Variants in IZUMO1 observed in about 807,000 individuals in gnomAD.
The protein encoded by IZUMO1 is izumo sperm-egg fusion protein 1.
A neutral mutation model predicts 40.7 loss-of-function variants in IZUMO1; 44 were observed. The ratio of observed to expected loss-of-function variants is 1.08; its 90% confidence interval spans 0.85 to 1.39. The LOEUF is 1.39. Ranked by LOEUF, IZUMO1 falls within the 40% of genes most tolerant of loss-of-function variation. The probability of loss-of-function intolerance (pLI) is 0.00; values close to 1 mark genes in which losing one functional copy is unlikely to be tolerated. For missense variants in IZUMO1, 368 were observed against 436.9 expected (o/e 0.84, Z 1.41); for synonymous variants, 149 against 170.9 (o/e 0.87, Z 1.00).
chr19:48,743,652 C>T (rs1599759001), intron 5 of IZUMO1, 127 bp from the exon 6 acceptor site: 1 of 725,828 alleles, frequency 1.4e-6, no homozygotes, highest in Non-Finnish European at 2.4e-6. Flanking sequence ...GGCACAGGAC[C>T]AGGACGCAGG....
At chr19:48,744,232 A>T (rs952588348) in intron 4 of IZUMO1, 37 bp from the exon 5 acceptor site, 1 of 1,599,856 alleles carries the variant, frequency 6.3e-7, no homozygotes, top group Middle Eastern at 1.6e-4. Flanking sequence ...CAAGAAAGAG[A>T]TGACAGAGTC....
chr19:48,746,358 C>T, intron 1 of IZUMO1, 77 bp downstream of exon 1: 2 of 1,009,138 alleles, frequency 2.0e-6, no homozygotes, highest in African/African-American at 1.7e-5. Context: ...ATTCAATGCC[C>T]AAACCAATAA....
Position 48,741,443 on chromosome 19 carries a change from G to A in IZUMO1, c.790C>T (p.Pro264Ser), listed in dbSNP as rs138875475. 2,821 of 1,612,706 alleles carry A rather than the reference G, an allele frequency of 1.7e-3. 6 individuals are homozygous for A. Among genetic ancestry groups the A allele is most frequent in the Non-Finnish European group, 2.2e-3 (2,649 of 1,178,944 alleles). The stretch of plus-strand genomic sequence containing the variant: ...GCCTCCCCCGGGGTTACGATATTTG[G>A]AGAAGGTTTTTCCTCCTTGATCATT... ...PKMIKEEKPS[P>S]NIVTPGEATT... Residue 264 changes from proline to serine, a missense_variant, in exon 9 of 10, where the codon CCA becomes TCA. By Grantham distance (74) the Pro-to-Ser change is moderately conservative. Coordinates refer to ENST00000332955, the MANE Select transcript of IZUMO1 (RefSeq NM_182575.3). The surrounding 1 kb of genome is among the most constrained non-coding windows in gnomAD (Gnocchi z 4.4).
chr19:48,746,391 C>T, intron 1 of IZUMO1, 44 bp downstream of exon 1: 1 of 992,764 alleles, frequency 1.0e-6, no homozygotes, highest in Non-Finnish European at 1.2e-6. Context: ...GACCCAACCA[C>T]GATATTATCA....
Position 48,741,476 on chromosome 19 carries a change from A to G in IZUMO1, c.757T>C (p.Leu253=). 6.2e-7 allele frequency: 1 copy of G among 1,608,756 alleles called. No homozygotes were observed. The highest frequency in any genetic ancestry group is 8.5e-7 in the Non-Finnish European group (1 of 1,175,854). Reference sequence around the variant, plus strand: ...TTTTCCTCCTTGATCATTTTGGGCAACACTGTTAGAGAAAGCGTAAAGAGC... The same window carrying G: ...TTTTCCTCCTTGATCATTTTGGGCAGCACTGTTAGAGAAAGCGTAAAGAGC... ...ATIINFHVTV[L]PKMIKEEKPS... The change falls in exon 9 of 10, where the codon TTG becomes CTG. Residue 253 remains leucine, a splice_region_variant and synonymous_variant. Coordinates refer to ENST00000332955, the MANE Select transcript of IZUMO1 (RefSeq NM_182575.3). This position sits in a 1 kb window ranked among gnomAD's most constrained non-coding sequence, Gnocchi z 4.4.
In IZUMO1 at chr19:48,741,870, G is replaced by C; in HGVS notation, c.673C>G (p.Pro225Ala). The change falls in exon 8 of 10, where the codon CCA (proline) becomes GCA (alanine). Residue 225 changes from proline (P) to alanine (A), a missense_variant. Transcript: ENST00000332955. This position sits in a 1 kb window ranked among gnomAD's most constrained non-coding sequence, Gnocchi z 4.4. ...EATLTKPMVG[P>A]EDAGSYRCEL... is the part of the protein sequence containing the mutation. ...CAGCGGTAGCTGCCTGCATCCTCTG[G>C]ACCCACCATGGGCTTGGTCAGGGTG... 6.2e-7 allele frequency: 1 copy of C among 1,612,836 alleles called. No homozygotes were observed.
chr19:48,741,613 G>C lies in IZUMO1; in HGVS notation c.755-135C>G, dbSNP rs2033694430. 1 of 1,261,014 alleles carries C rather than the reference G, an allele frequency of 7.9e-7. No individual in the cohort carries two copies. Among genetic ancestry groups the C allele is most frequent in the African/African-American group, 1.5e-5 (1 of 67,038 alleles). 78.1% of individuals were successfully genotyped at this position (1,261,014 alleles called of 1,614,324 possible). ...CAGTGTCAAGCCTGAACACACCCAA[G>C]GGAACCCCTGTCCTCGGGGCCAGAG... On this transcript the variant is annotated intron_variant, in intron 8 of 9. Transcript: ENST00000332955. The surrounding 1 kb of genome is among the most constrained non-coding windows in gnomAD (Gnocchi z 4.4).
chr19:48,745,082 A>G, intron 3 of IZUMO1, 132 bp downstream of exon 3: 2 of 728,702 alleles, frequency 2.7e-6, no homozygotes, highest in Non-Finnish European at 4.8e-6. Flanking sequence ...CCGTACAGCT[A>G]GGAAGTGGCA....
chr19:48,746,337 T>A, intron 1 of IZUMO1, 98 bp downstream of exon 1: 1 of 1,008,558 alleles, frequency 9.9e-7, no homozygotes, highest in African/African-American at 1.7e-5. Flanking sequence ...CTGTTGAACC[T>A]CAAGCTGAAG....
At chr19:48,744,625 G>A in intron 3 of IZUMO1, 86 bp from the exon 4 acceptor site, 1 of 962,032 alleles carries the variant, frequency 1.0e-6, no homozygotes, top group Non-Finnish European at 1.7e-6. Flanking sequence ...CTACTTCCTG[G>A]CCTTCTCAGG....
chr19:48,741,844 G>A lies in IZUMO1; in HGVS notation c.699C>T (p.Cys233=), dbSNP rs1413677158. ...VGPEDAGSYR[C]ELGSVNSSPA... ...GGCTGGAATTCACAGAGCCCAGCTC[G>A]CAGCGGTAGCTGCCTGCATCCTCTG... Residue 233 remains cysteine, a synonymous_variant, in exon 8 of 10, where the codon TGC becomes TGT. Coordinates refer to ENST00000332955, the MANE Select transcript of IZUMO1 (RefSeq NM_182575.3). This position sits in a 1 kb window ranked among gnomAD's most constrained non-coding sequence, Gnocchi z 4.4. 6 of 1,610,300 alleles carry A rather than the reference G, an allele frequency of 3.7e-6. No homozygotes were observed. The highest frequency in any genetic ancestry group is 2.7e-5 in the African/African-American group (2 of 74,870).
At position 48,741,746 on chromosome 19, in the gene IZUMO1, TG is replaced by T; in HGVS notation, c.754+42del. 6.6e-7 allele frequency: 1 copy of T among 1,515,350 alleles called. No individual in the cohort carries two copies. The highest frequency in any genetic ancestry group is 8.9e-7 in the Non-Finnish European group (1 of 1,129,194). 93.9% of individuals were successfully genotyped at this position (1,515,350 alleles called of 1,614,324 possible). On this transcript the variant is annotated intron_variant, in intron 8 of 9. Transcript: ENST00000332955. This position sits in a 1 kb window ranked among gnomAD's most constrained non-coding sequence, Gnocchi z 4.4. Reference sequence around the variant, plus strand: ...CCCCCGCCGCGGACCCCAGCTTTCCTGGGCCCTGAATCCTACACTTCTCTCA... The same window carrying T: ...CCCCCGCCGCGGACCCCAGCTTTCCTGGCCCTGAATCCTACACTTCTCTCA...
At chr19:48,744,047 G>C (rs1207694070) in intron 5 of IZUMO1, 128 bp downstream of exon 5, 2 of 804,050 alleles carry the variant, frequency 2.5e-6, no homozygotes, top group African/African-American at 1.7e-5. Flanking sequence ...GGTGCAGAAA[G>C]AATACTGGAG....
At position 48,745,288 on chromosome 19, in the gene IZUMO1, T is replaced by C; in HGVS notation, c.236A>G (p.Asp79Gly). Residue 79 changes from aspartate to glycine, a missense_variant and splice_region_variant, in exon 3 of 10, where the codon GAT becomes GGT. Physicochemically the swap from Asp to Gly is moderately conservative, Grantham distance 94. Transcript: ENST00000332955. ...GGACCCCTTTTGCAGTGTGGCCTCA[T>C]CTGTCAGAGGAGATATAACCCCAGA... is the stretch of plus-strand genomic sequence containing the variant. ...LNEDAYMGVVDEATLQKGSWS... is the reference protein window; with the variant it reads ...LNEDAYMGVVGEATLQKGSWS... 1 of 1,613,620 alleles carries C rather than the reference T, an allele frequency of 6.2e-7. No homozygotes were observed. Among genetic ancestry groups the C allele is most frequent in the Non-Finnish European group, 8.5e-7 (1 of 1,179,550 alleles).
chr19:48,746,772 G>A lies in IZUMO1; in HGVS notation c.-411C>T, dbSNP rs941706083. 1.0e-6 allele frequency: 1 copy of A among 985,302 alleles called. No individual in the cohort carries two copies. The highest frequency in any genetic ancestry group is 1.7e-5 in the African/African-American group (1 of 57,206). 61.0% of individuals were successfully genotyped at this position (985,302 alleles called of 1,614,324 possible). A position where few individuals can be genotyped will look rare whatever the true frequency, so the allele number is the denominator to read the frequency against. ...AAATCAAGGATTGTGTTGGGGACGA[G>A]GGTAAGGTTGGTTGCGTGAAATCGA... is the stretch of plus-strand genomic sequence containing the variant. On this transcript the variant is annotated 5_prime_UTR_variant, in exon 1 of 10. Coordinates refer to ENST00000332955, the MANE Select transcript of IZUMO1 (RefSeq NM_182575.3).
chr19:48,744,563 A>C, intron 3 of IZUMO1, 24 bp from the exon 4 acceptor site: 1 of 1,541,306 alleles, frequency 6.5e-7, no homozygotes, highest in Non-Finnish European at 9.0e-7. Context: ...GGAACCCCCA[A>C]TCCCACGTGT....
rs115743107 is a variant in IZUMO1 at position 48,744,684 on chromosome 19, G to A, written c.311-145C>T. The A allele has an allele frequency of 3.9e-3, 2,487 of 636,814 alleles. 63 individuals carry two copies. The African/African-American group carries it at 0.042, about 11-fold the overall frequency. The allele number at this position is 636,814 out of a possible 1,614,324, so 39.4% of individuals were successfully genotyped here. The stretch of plus-strand genomic sequence containing the variant: ...TAACATAATGCCAGCTGCTGGGCTA[G>A]GCAATGCATATTTTGGGGGATGGGG... On this transcript the variant is annotated intron_variant, in intron 3 of 9. Coordinates refer to ENST00000332955, the MANE Select transcript of IZUMO1 (RefSeq NM_182575.3).
chr19:48,746,637 G>T lies in IZUMO1; in HGVS notation c.-276C>A. The T allele has an allele frequency of 1.0e-6, 1 of 985,482 alleles. No individual in the cohort carries two copies. The highest frequency in any genetic ancestry group is 1.2e-6 in the Non-Finnish European group (1 of 829,940). The allele number at this position is 985,482 out of a possible 1,614,324, so 61.0% of individuals were successfully genotyped here. On this transcript the variant is annotated 5_prime_UTR_variant, in exon 1 of 10. The change creates a premature stop within an existing upstream ORF in the 5' untranslated region. Transcript: ENST00000332955. The stretch of plus-strand genomic sequence containing the variant: ...CAGCCGCTCCCCGACCTTGGTTCCC[G>T]ATTTGTGGCCTCTAACACTAGGGTT...
Position 48,746,706 on chromosome 19 carries a change from A to G in IZUMO1, c.-345T>C. 1.0e-6 allele frequency: 1 copy of G among 985,494 alleles called. No individual in the cohort carries two copies. Among genetic ancestry groups the G allele is most frequent in the Non-Finnish European group, 1.2e-6 (1 of 829,930 alleles). The allele number at this position is 985,494 out of a possible 1,614,324, so 61.0% of individuals were successfully genotyped here. On this transcript the variant is annotated 5_prime_UTR_variant, in exon 1 of 10. Coordinates refer to ENST00000332955, the MANE Select transcript of IZUMO1 (RefSeq NM_182575.3). Reference sequence around the variant, plus strand: ...AGGTTCTGAGGGCTTTTAAAGAGGAAGCCGGGGTCATGACCACCTACGCTA... The same window carrying G: ...AGGTTCTGAGGGCTTTTAAAGAGGAGGCCGGGGTCATGACCACCTACGCTA...
Sources: allele counts gnomAD v4.1 joint callset, GRCh38; gene constraint gnomAD v4.1.1; non-coding constraint Gnocchi (gnomAD v3.1); transcripts MANE v1.5; gene names NCBI Gene and HGNC (gene_info 2026-07-23, HGNC 2026-07-21).